Variants in CALD1 observed in about 807,000 individuals in gnomAD.
CALD1 encodes caldesmon.
CALD1 carries 33 observed loss-of-function variants against 99.9 expected under a neutral mutation model. That is an observed-to-expected ratio of 0.33 (90% CI 0.25 to 0.44). The LOEUF is 0.44. Ranked by LOEUF, CALD1 falls within the 20% of genes least tolerant of loss-of-function variation. The pLI is 1.00. For synonymous variants in CALD1, 310 were observed against 325.0 expected (o/e 0.95, Z 0.50); for missense variants, 861 against 962.1 (o/e 0.89, Z 1.39).
chr7:134,717,002 CTCTG>C, the CALD1 span, among the ~76,000 whole-genome samples: 8 of 152,156 alleles, frequency 5.3e-5, no homozygotes, highest in Admixed American at 4.6e-4. Context: ...TTATCTTAGA[CTCTG>C]TCTATCTATC....
intron 1 of CALD1, among the ~76,000 whole-genome samples, chr7:134,811,701 A>G (rs1443955738): frequency 2.0e-5 from 3 of 152,158 alleles, no homozygotes; most frequent in Non-Finnish European, 4.4e-5. Flanking sequence ...TTAATGGGCT[A>G]TTTTTAATGT....
intron 2 of CALD1, among the ~76,000 whole-genome samples, chr7:134,849,605 T>C (rs895690632): frequency 1.3e-5 from 2 of 152,216 alleles, no homozygotes; most frequent in Non-Finnish European, 2.9e-5. Flanking sequence ...TTAATTGCGT[T>C]GGTTTTTTTT....
the CALD1 span, among the ~76,000 whole-genome samples, chr7:134,725,390 T>C: frequency 2.6e-5 from 4 of 152,192 alleles, no homozygotes; most frequent in Non-Finnish European, 5.9e-5. Flanking sequence ...GAAGTGTCAC[T>C]TTGTCTGTTT....
intron 1 of CALD1, among the ~76,000 whole-genome samples, chr7:134,764,163 G>C (rs144474474): frequency 6.6e-6 from 1 of 151,992 alleles, no homozygotes; most frequent in African/African-American, 2.4e-5. Context: ...CCAGACACCT[G>C]CACCTCTTAA....
chr7:134,856,101 C>T (rs1800288757), intron 2 of CALD1, among the ~76,000 whole-genome samples: 1 of 152,152 alleles, frequency 6.6e-6, no homozygotes, highest in Admixed American at 6.5e-5. Flanking sequence ...AACAAGGATG[C>T]CATTTCAAGC....
intron 1 of CALD1, among the ~76,000 whole-genome samples, chr7:134,795,189 G>A (rs991740991): frequency 2.0e-5 from 3 of 151,822 alleles, no homozygotes; most frequent in Non-Finnish European, 4.4e-5. Flanking sequence ...AGAAGACTGT[G>A]TCCCCACCCA....
intron 7 of CALD1, among the ~76,000 whole-genome samples, chr7:134,945,505 A>G (rs75360012): frequency 0.019 from 2,836 of 152,328 alleles, 37 homozygotes; most frequent in Middle Eastern, 0.034. Flanking sequence ...TCATGGCTCG[A>G]CTGCTTTCTA....
chr7:134,740,966 T>A (rs1472244407), upstream of CALD1, among the ~76,000 whole-genome samples: 1 of 152,244 alleles, frequency 6.6e-6, no homozygotes, highest in Non-Finnish European at 1.5e-5. Flanking sequence ...GAAATTATTC[T>A]ACTAGTGTCC....
intron 2 of CALD1, among the ~76,000 whole-genome samples, chr7:134,865,539 A>C (rs949371969): frequency 1.3e-5 from 2 of 152,232 alleles, no homozygotes; most frequent in African/African-American, 4.8e-5. Context: ...TTCAAATGGC[A>C]GGTAGTTTTT....
At chr7:134,866,767 G>T (rs1800819567) in intron 2 of CALD1, 1 of 152,172 alleles carries the variant, frequency 6.6e-6, no homozygotes, top group African/African-American at 2.4e-5. Context: ...CAGAGGAAGT[G>T]GAGGCCTCCC....
At chr7:134,711,724 G>GTC in the CALD1 span, among the ~76,000 whole-genome samples, 10,442 of 91,196 alleles carry the variant, frequency 0.11, 425 homozygotes, top group Non-Finnish European at 0.14. Flanking sequence ...GTGTGTGTGT[G>GTC]TGTCTCTCTC....
At chr7:134,856,053 C>A (rs1008070053) in intron 2 of CALD1, among the ~76,000 whole-genome samples, 1 of 152,218 alleles carries the variant, frequency 6.6e-6, no homozygotes, top group Admixed American at 6.5e-5. Context: ...GGAACTCTAA[C>A]ATCAGCTGCT....
intron 4 of CALD1, among the ~76,000 whole-genome samples, chr7:134,929,619 T>TACACAC (rs565848260): frequency 1.4e-4 from 3 of 21,378 alleles, no homozygotes; most frequent in Non-Finnish European, 2.8e-4. Flanking sequence ...TGTGTATATA[T>TACACAC]ACGTGTGTGT....
chr7:134,934,259 T>C (rs1442849807), intron 5 of CALD1, among the ~76,000 whole-genome samples, 182 bp downstream of exon 5: 1 of 152,200 alleles, frequency 6.6e-6, no homozygotes, highest in Non-Finnish European at 1.5e-5. Context: ...TGGCTGAATA[T>C]TCAATCAACC....
intron 1 of CALD1, among the ~76,000 whole-genome samples, chr7:134,812,220 T>C (rs1017463174): frequency 6.6e-6 from 1 of 152,180 alleles, no homozygotes; most frequent in African/African-American, 2.4e-5. Context: ...AAATGTTCCC[T>C]ATAAGCTGCA....
Position 134,783,163 on chromosome 7 carries a change from C to T in CALD1, c.-130+3414C>T, listed in dbSNP as rs552429452. Among the ~76,000 whole-genome samples the T allele has an allele frequency of 6.6e-6, 1 of 152,332 alleles. No homozygotes were observed. Among genetic ancestry groups the T allele is most frequent in the African/African-American group, 2.4e-5 (1 of 41,576 alleles). On this transcript the variant is annotated intron_variant, in intron 1 of 14. Transcript: ENST00000361675. The surrounding 1 kb of genome is among the most constrained non-coding windows in gnomAD (Gnocchi z 4.3). ...GGAAGGGCAAGGAAGGCAGGAACAC[C>T]TGGCTGTGGTTCCTGTTGGTATTGA... is the stretch of plus-strand genomic sequence containing the variant.
At chr7:134,844,310 A>AT (rs1272707011) in intron 2 of CALD1, 1 of 152,182 alleles carries the variant, frequency 6.6e-6, no homozygotes, top group Non-Finnish European at 1.5e-5. Context: ...TTGAATCAAT[A>AT]AAGACAACAT....
At chr7:134,794,349 C>T (rs955117600) in intron 1 of CALD1, among the ~76,000 whole-genome samples, 5 of 152,186 alleles carry the variant, frequency 3.3e-5, no homozygotes, top group Admixed American at 2.0e-4. Context: ...ATGATGAAAG[C>T]ATATGACCCG....
chr7:134,788,507 G>A lies in CALD1; in HGVS notation c.-130+8758G>A, dbSNP rs182189225. On this transcript the variant is annotated intron_variant, in intron 1 of 14. Transcript: ENST00000361675. ...TAGCCTCTGCATTGGAGAGCCAAGC[G>A]GAATACCTCTGTGGTTCAGTTACAT... Among the ~76,000 whole-genome samples, 18 of 152,250 alleles carry A rather than the reference G, an allele frequency of 1.2e-4. 1 individual carries two copies. In the East Asian group the frequency reaches 3.3e-3, roughly 28 times the overall value.
Sources: gnomAD v4.1 joint callset for allele counts (sites outside exome capture counted in the v4.1 genomes callset) on GRCh38, gnomAD v4.1.1 for gene constraint, Gnocchi (gnomAD v3.1) non-coding constraint, MANE v1.5 for transcripts, NCBI Gene and HGNC (gene_info 2026-07-23, HGNC 2026-07-21) for gene names.